The following DNAH14 variants were observed in gnomAD, a reference collection of about 807,000 sequenced individuals.
DNAH14 encodes axonemal beta dynein heavy chain 14.
In DNAH14, 478 loss-of-function variants were observed where a neutral mutation model predicts 520.9. The observed-to-expected ratio is 0.92, with a 90% CI of 0.85 to 0.99. The LOEUF (loss-of-function observed/expected upper bound fraction) is 0.99. Among genes scored for constraint, DNAH14 ranks in the 50% least tolerant of loss-of-function variants. The probability of loss-of-function intolerance (pLI) is 0.00; values close to 1 mark genes in which losing one functional copy is unlikely to be tolerated. For synonymous variants in DNAH14, 1,581 were observed against 1,757.2 expected (o/e 0.90, Z 2.51); for missense variants, 4,831 against 5,234.5 (o/e 0.92, Z 2.38).
At chr1:224,960,473 T>C (rs926827430) in intron 4 of DNAH14, among the ~76,000 whole-genome samples, 171 bp downstream of exon 4, 3 of 152,156 alleles carry the variant, frequency 2.0e-5, no homozygotes, top group Non-Finnish European at 4.4e-5. Context: ...TTTTTGAAAA[T>C]CTAAAATATT....
intron 1 of DNAH14, among the ~76,000 whole-genome samples, chr1:224,944,829 C>T (rs1391810436): frequency 2.6e-5 from 4 of 152,214 alleles, no homozygotes; most frequent in African/African-American, 9.7e-5. Flanking sequence ...CCCCCACTCT[C>T]TTTTGGCTTG....
intron 10 of DNAH14, among the ~76,000 whole-genome samples, chr1:225,018,561 T>C (rs6697156): frequency 6.6e-6 from 1 of 151,980 alleles, no homozygotes; most frequent in African/African-American, 2.4e-5. Flanking sequence ...GTGAAGGAGT[T>C]GATCATCCCC....
chr1:224,942,437 G>T (rs1355221699), intron 1 of DNAH14, among the ~76,000 whole-genome samples: 1 of 152,106 alleles, frequency 6.6e-6, no homozygotes, highest in African/African-American at 2.4e-5. Context: ...ACATACAATT[G>T]TGTCATCTGT....
chr1:225,330,197 T>C (rs941943897), intron 64 of DNAH14, among the ~76,000 whole-genome samples: 23 of 152,186 alleles, frequency 1.5e-4, no homozygotes, highest in Non-Finnish European at 4.4e-5. Context: ...CCTTATACAC[T>C]GCTCGTGGGA....
intron 66 of DNAH14, among the ~76,000 whole-genome samples, chr1:225,334,920 G>A (rs1294512461): frequency 7.0e-6 from 1 of 142,948 alleles, no homozygotes; most frequent in Admixed American, 7.2e-5. Context: ...ATATGTATAT[G>A]TATAGCATAT....
intron 77 of DNAH14, 114 bp downstream of exon 77, chr1:225,368,146 C>T: frequency 1.1e-6 from 1 of 950,370 alleles, no homozygotes. Flanking sequence ...AGAAAATGAA[C>T]TCTATAACTA....
At chr1:225,236,013 T>C (rs2091553612) in intron 42 of DNAH14, among the ~76,000 whole-genome samples, 1 of 152,184 alleles carries the variant, frequency 6.6e-6, no homozygotes, top group African/African-American at 2.4e-5. Flanking sequence ...TTTTGAAGGA[T>C]TTTTCATGTC....
intron 28 of DNAH14, 143 bp from the exon 29 acceptor site, chr1:225,144,254 C>A: frequency 1.5e-6 from 1 of 653,884 alleles, no homozygotes; most frequent in Non-Finnish European, 2.6e-6. Context: ...TTATATCACA[C>A]TTCTCATTTG....
intron 75 of DNAH14, among the ~76,000 whole-genome samples, chr1:225,364,031 T>C (rs995068595): frequency 7.2e-5 from 11 of 152,172 alleles, no homozygotes; most frequent in African/African-American, 2.7e-4. Flanking sequence ...TGTCCCTCAA[T>C]TGGGTTTTAG....
chr1:224,970,186 G>A (rs2061421200), intron 7 of DNAH14, among the ~76,000 whole-genome samples: 1 of 152,246 alleles, frequency 6.6e-6, no homozygotes, highest in Admixed American at 6.5e-5. Context: ...GCTTCGGGGG[G>A]CGGCTGTATT....
intron 17 of DNAH14, among the ~76,000 whole-genome samples, chr1:225,077,720 A>T (rs921397264): frequency 6.6e-6 from 1 of 152,180 alleles, no homozygotes; most frequent in African/African-American, 2.4e-5. Context: ...TGAGGCTGGG[A>T]TCGAAAATAA....
Position 225,303,138 on chromosome 1 carries a change from A to AT in DNAH14, c.8632-14dup. The AT allele has an allele frequency of 7.1e-6, 10 of 1,410,812 alleles. No individual in the cohort carries two copies. The highest frequency in any genetic ancestry group is 8.5e-6 in the Non-Finnish European group (9 of 1,056,598). 87.4% of individuals were successfully genotyped at this position (1,410,812 alleles called of 1,614,324 possible). On this transcript the variant is annotated splice_polypyrimidine_tract_variant and intron_variant, in intron 56 of 85. Transcript: ENST00000682510. ...AGTGGATTACATTTTAACAATTTAT[A>AT]TTTTCATTAATTTTCAGAGAATATA...
intron 61 of DNAH14, among the ~76,000 whole-genome samples, chr1:225,320,335 G>T (rs553544718): frequency 6.6e-6 from 1 of 152,240 alleles, no homozygotes; most frequent in South Asian, 2.1e-4. Flanking sequence ...CTCAATAAAG[G>T]TTACTTTCAT....
intron 4 of DNAH14, chr1:224,961,142 C>T (rs1030930459): frequency 5.9e-5 from 9 of 152,122 alleles, no homozygotes; most frequent in Non-Finnish European, 1.2e-4. Flanking sequence ...TGCTATGATT[C>T]CAATCACAAA....
intron 11 of DNAH14, among the ~76,000 whole-genome samples, chr1:225,031,735 T>C (rs1203554486): frequency 1.3e-5 from 2 of 152,276 alleles, no homozygotes; most frequent in African/African-American, 2.4e-5. Flanking sequence ...ACAGCATTCT[T>C]TTACTGTATT....
intron 11 of DNAH14, among the ~76,000 whole-genome samples, chr1:225,029,389 G>A (rs2066369082): frequency 6.6e-6 from 1 of 151,956 alleles, no homozygotes; most frequent in African/African-American, 2.4e-5. Flanking sequence ...AAATTCATTA[G>A]AACTGCATAC....
chr1:225,292,089 A>G (rs561211533), intron 55 of DNAH14, among the ~76,000 whole-genome samples: 1 of 152,150 alleles, frequency 6.6e-6, no homozygotes, highest in Non-Finnish European at 1.5e-5. Context: ...GAAATTTACC[A>G]TGCTTTTTAG....
At chr1:225,171,173 A>G (rs2082604349) in intron 36 of DNAH14, among the ~76,000 whole-genome samples, 1 of 152,226 alleles carries the variant, frequency 6.6e-6, no homozygotes, top group Admixed American at 6.5e-5. Flanking sequence ...AGCAGGAAGG[A>G]TCTAAAATTG....
intron 45 of DNAH14, 142 bp from the exon 46 acceptor site, chr1:225,258,979 C>T (rs1300345427): frequency 7.2e-6 from 6 of 838,542 alleles, no homozygotes; most frequent in South Asian, 2.2e-5. Context: ...CACTCTTAAC[C>T]ACATTTTTTT....
Sources: allele counts gnomAD v4.1 joint callset (sites outside exome capture counted in the v4.1 genomes callset), GRCh38; gene constraint gnomAD v4.1.1; transcripts MANE v1.5; gene names NCBI Gene and HGNC (gene_info 2026-07-23, HGNC 2026-07-21).